NAV3: variants seen among roughly 807,000 people sequenced by gnomAD.
The protein encoded by NAV3 is neuron navigator 3.
NAV3 carries 87 observed loss-of-function variants against 244.7 expected under a neutral mutation model. The ratio of observed to expected loss-of-function variants is 0.36; its 90% CI spans 0.30 to 0.42. The LOEUF (loss-of-function observed/expected upper bound fraction) is 0.42. Ranked by LOEUF, NAV3 falls within the 20% of genes least tolerant of loss-of-function variation. The pLI, the probability that NAV3 is intolerant of heterozygous loss-of-function variation, is 1.00. For synonymous variants in NAV3, 1,126 were observed against 1,042.2 expected (o/e 1.08, Z -1.55); for missense variants, 2,663 against 2,893.3 (o/e 0.92, Z 1.83).
At chr12:77,609,392 A>G (rs529327410) in intron 2 of NAV3, among the ~76,000 whole-genome samples, 1 of 152,196 alleles carries the variant, frequency 6.6e-6, no homozygotes, top group Admixed American at 6.6e-5. Context: ...TCTATGGATT[A>G]AGAGACATCA....
chr12:78,140,045 G>C (rs1956539801), intron 19 of NAV3, among the ~76,000 whole-genome samples: 1 of 152,174 alleles, frequency 6.6e-6, no homozygotes, highest in Admixed American at 6.5e-5. Flanking sequence ...GCTCATGCTT[G>C]TAGGCTTCTG....
chr12:77,722,679 G>C (rs1876692491), intron 2 of NAV3, among the ~76,000 whole-genome samples: 1 of 151,986 alleles, frequency 6.6e-6, no homozygotes, highest in Non-Finnish European at 1.5e-5. Context: ...AGAGTGTCCA[G>C]GCTGTTTCCA....
rs562499610 is a variant in NAV3 at position 78,109,089 on chromosome 12, A to G, written c.2637-7683A>G. Among the ~76,000 whole-genome samples, 7 of 152,220 alleles carry G rather than the reference A, an allele frequency of 4.6e-5. No homozygotes were observed. The South Asian group carries it at 1.5e-3, about 32-fold the overall frequency. ...ACTAAACAAGGAAAAAGAATATCCA[A>G]ATAAACACAATCAAAAACGATAAAG... On this transcript the variant is annotated intron_variant, in intron 12 of 39. Transcript: ENST00000397909.
intron 1 of NAV3, among the ~76,000 whole-genome samples, chr12:77,873,744 G>GTGTGTGTGTATATATATATATATA (rs776225440): frequency 2.7e-5 from 2 of 73,182 alleles, no homozygotes; most frequent in African/African-American, 9.0e-5. Context: ...ATGTGTGTGT[G>GTGTGTGTGTATATATATATATATA]TATATATATA....
chr12:77,606,929 T>A (rs1870695184), intron 2 of NAV3, among the ~76,000 whole-genome samples: 1 of 152,108 alleles, frequency 6.6e-6, no homozygotes, highest in Non-Finnish European at 1.5e-5. Context: ...GTATAGAATA[T>A]GTTGATTGAC....
chr12:77,747,034 T>A (rs981526060), intron 2 of NAV3, among the ~76,000 whole-genome samples: 3 of 152,196 alleles, frequency 2.0e-5, no homozygotes, highest in Non-Finnish European at 4.4e-5. Context: ...CTTGCTACAT[T>A]TGATATGGAC....
chr12:77,994,172 T>C (rs1390699359), intron 5 of NAV3, among the ~76,000 whole-genome samples: 8 of 152,242 alleles, frequency 5.3e-5, no homozygotes, highest in African/African-American at 1.4e-4. Context: ...TGTTAAGTTG[T>C]TTATGAAGAA....
chr12:77,676,651 C>T (rs1172582792), intron 2 of NAV3, among the ~76,000 whole-genome samples: 1 of 151,106 alleles, frequency 6.6e-6, no homozygotes, highest in East Asian at 1.9e-4. Context: ...CATACATGTG[C>T]CAGGGTGATT....
intron 5 of NAV3, among the ~76,000 whole-genome samples, chr12:77,993,638 C>A (rs999375263): frequency 6.6e-6 from 1 of 152,174 alleles, no homozygotes; most frequent in African/African-American, 2.4e-5. Flanking sequence ...CTCCCACCAC[C>A]AACTAGCTCA....
At position 77,822,356 on chromosome 12, in the gene NAV3, C is replaced by G. The variant is rs189914241; in HGVS notation, c.73-117963C>G. Among the ~76,000 whole-genome samples, 7 of 152,302 alleles carry G rather than the reference C, an allele frequency of 4.6e-5. No individual in the cohort carries two copies. The East Asian group carries it at 1.2e-3, about 25-fold the overall frequency. ...TCACCTGCTTTTATGTTTTAGCCAG[C>G]TAGTTTACCTTTCTTTTGACTGATT... On this transcript the variant is annotated intron_variant, in intron 2 of 8. Coordinates refer to the NAV3 transcript ENST00000550042.
chr12:77,764,982 A>G (rs1194223548), intron 2 of NAV3, among the ~76,000 whole-genome samples: 1 of 152,262 alleles, frequency 6.6e-6, no homozygotes, highest in Non-Finnish European at 1.5e-5. Flanking sequence ...GTTGTGTTAT[A>G]GAAACCTGCT....
chr12:77,652,705 G>A (rs1180783206), intron 2 of NAV3, among the ~76,000 whole-genome samples: 1 of 152,106 alleles, frequency 6.6e-6, no homozygotes, highest in African/African-American at 2.4e-5. Flanking sequence ...ATAGACCTAA[G>A]GGATAGTAAA....
intron 12 of NAV3, among the ~76,000 whole-genome samples, chr12:78,078,925 A>G (rs890154248): frequency 3.3e-5 from 5 of 152,248 alleles, no homozygotes; most frequent in African/African-American, 4.8e-5. Context: ...AATTATAAAG[A>G]CAAATATTAA....
At chr12:78,196,434 C>A (rs1398535736) in intron 34 of NAV3, among the ~76,000 whole-genome samples, 1 of 151,886 alleles carries the variant, frequency 6.6e-6, no homozygotes. Context: ...TGTTTTATAA[C>A]CCTGAGCACG....
chr12:78,025,595 CAAAAAAAAAAAAAA>C (rs1186694789), intron 9 of NAV3, among the ~76,000 whole-genome samples: 3 of 55,578 alleles, frequency 5.4e-5, no homozygotes, highest in African/African-American at 2.3e-4. Flanking sequence ...GACTCCATCT[CAAAAAAAAAAAAAA>C]AAAAAAAAAA....
At chr12:78,168,914 T>G in intron 24 of NAV3, 48 bp downstream of exon 24, 1 of 1,234,134 alleles carries the variant, frequency 8.1e-7, no homozygotes, top group Non-Finnish European at 1.2e-6. Context: ...TAGACATCTA[T>G]TTTATTTATT....
chr12:77,947,698 A>G (rs934964246), intron 3 of NAV3: 1 of 151,982 alleles, frequency 6.6e-6, no homozygotes, highest in Non-Finnish European at 1.5e-5. Context: ...ACTAAATGAA[A>G]ATCTTTACTT....
chr12:77,745,988 TAAAAAAA>T (rs35139297), intron 2 of NAV3, among the ~76,000 whole-genome samples: 1 of 107,574 alleles, frequency 9.3e-6, no homozygotes, highest in African/African-American at 3.8e-5. Flanking sequence ...AGACTTAAGG[TAAAAAAA>T]AAAAAAAAAA....
At chr12:78,174,990 G>A (rs1239177632) in intron 24 of NAV3, among the ~76,000 whole-genome samples, 1 of 151,928 alleles carries the variant, frequency 6.6e-6, no homozygotes, top group Non-Finnish European at 1.5e-5. Flanking sequence ...CATTTTGGAA[G>A]AGCTGCTTGA....
Sources: gnomAD v4.1 joint callset for allele counts (sites outside exome capture counted in the v4.1 genomes callset) on GRCh38, gnomAD v4.1.1 for gene constraint, MANE v1.5 for transcripts, NCBI Gene and HGNC (gene_info 2026-07-23, HGNC 2026-07-21) for gene names.